Variants in KHDRBS2 observed in about 807,000 individuals in gnomAD.
The protein encoded by KHDRBS2 is KH RNA binding domain containing, signal transduction associated 2.
KHDRBS2 carries 26 observed loss-of-function variants against 44.3 expected under a neutral mutation model. The observed-to-expected ratio is 0.59, with a 90% CI of 0.43 to 0.81. The LOEUF (loss-of-function observed/expected upper bound fraction) is 0.81, where lower values mean the gene tolerates loss of function less well. Among genes scored for constraint, KHDRBS2 ranks in the 40% least tolerant of loss-of-function variants. KHDRBS2 has a pLI of 0.00. For missense variants in KHDRBS2, 476 were observed against 433.1 expected (o/e 1.10, Z -0.88); for synonymous variants, 194 against 151.1 (o/e 1.28, Z -2.08).
chr6:61,654,633 C>A, the KHDRBS2 span, among the ~76,000 whole-genome samples: 1 of 150,702 alleles, frequency 6.6e-6, no homozygotes, highest in Admixed American at 6.6e-5. Context: ...AGACAAGAAA[C>A]CAATAGAGAA....
chr6:62,124,081 T>C (rs1808371578), intron 2 of KHDRBS2, among the ~76,000 whole-genome samples: 2 of 152,178 alleles, frequency 1.3e-5, no homozygotes, highest in Admixed American at 6.5e-5. Flanking sequence ...GATGGACCCT[T>C]TTCTGCTCTC....
intron 3 of KHDRBS2, among the ~76,000 whole-genome samples, chr6:62,024,157 A>T (rs1584224778): frequency 6.6e-6 from 1 of 151,414 alleles, no homozygotes; most frequent in South Asian, 2.1e-4. Flanking sequence ...TTCTCCACTC[A>T]TTCATCATCT....
At chr6:61,579,412 T>A in the KHDRBS2 span, among the ~76,000 whole-genome samples, 1 of 152,218 alleles carries the variant, frequency 6.6e-6, no homozygotes, top group African/African-American at 2.4e-5. Flanking sequence ...TGCCACAGCC[T>A]GAAGCTGAAA....
the KHDRBS2 span, among the ~76,000 whole-genome samples, chr6:61,629,173 C>T: frequency 4.6e-5 from 7 of 152,148 alleles, no homozygotes; most frequent in South Asian, 2.1e-4. Flanking sequence ...TGTGATTTTT[C>T]GCTTACTTGC....
At chr6:61,590,097 T>C in the KHDRBS2 span, among the ~76,000 whole-genome samples, 2 of 152,184 alleles carry the variant, frequency 1.3e-5, 1 homozygote, top group Admixed American at 1.3e-4. Context: ...GCTCAATAGT[T>C]TAGCCTATTT....
chr6:62,246,986 A>G (rs1457426246), intron 1 of KHDRBS2, among the ~76,000 whole-genome samples: 3 of 152,096 alleles, frequency 2.0e-5, no homozygotes, highest in African/African-American at 7.2e-5. Flanking sequence ...TCAACAATTC[A>G]TTATCAAGAT....
rs148740825 is a variant in KHDRBS2, at chr6:61,754,988, A to C, written c.811-22224T>G. Among the ~76,000 whole-genome samples, 1,162 of 152,266 alleles carry C rather than the reference A, an allele frequency of 7.6e-3. 18 individuals are homozygous for C. The highest frequency in any genetic ancestry group is 0.026 in the African/African-American group (1,100 of 41,560). ...CCAAATTTATAATAGAATCTAGTAA[A>C]ACATAATATTTATTTGAGCTAAAAT... On this transcript the variant is annotated intron_variant, in intron 6 of 8. Coordinates refer to ENST00000281156, the MANE Select transcript of KHDRBS2 (RefSeq NM_152688.4).
rs199772252 is a variant in KHDRBS2, at chr6:62,169,447, T to G, written c.219+7738A>C. Reference sequence around the variant, plus strand: ...ATGTACTAGAAGCAAGAAGCTCATGTGTACTGCTCTCATGGAGAGGAAAGA... The same window carrying G: ...ATGTACTAGAAGCAAGAAGCTCATGGGTACTGCTCTCATGGAGAGGAAAGA... On this transcript the variant is annotated intron_variant, in intron 2 of 8. Transcript: ENST00000281156. Among the ~76,000 whole-genome samples the G allele has an allele frequency of 1.4e-4, 22 of 152,068 alleles. No homozygotes were observed. In the East Asian group the frequency reaches 4.3e-3, roughly 30 times the overall value.
intron 6 of KHDRBS2, among the ~76,000 whole-genome samples, chr6:61,743,830 C>T (rs1353094867): frequency 1.3e-4 from 18 of 137,624 alleles, no homozygotes; most frequent in African/African-American, 4.9e-4. Flanking sequence ...CTTCCTGTGT[C>T]CATGTGTTCT....
chr6:61,663,166 C>T, the KHDRBS2 span, among the ~76,000 whole-genome samples: 3 of 144,804 alleles, frequency 2.1e-5, no homozygotes, highest in Non-Finnish European at 4.5e-5. Flanking sequence ...AACCAAACGC[C>T]GCGTGTTCTC....
At chr6:61,816,688 A>G (rs1423765209) in intron 6 of KHDRBS2, 1 of 427,028 alleles carries the variant, frequency 2.3e-6, no homozygotes, top group Admixed American at 2.6e-5. Flanking sequence ...CAGTTTTGCA[A>G]AGACAGACTC....
chr6:62,115,744 A>G (rs1806066381), intron 2 of KHDRBS2, among the ~76,000 whole-genome samples: 1 of 152,166 alleles, frequency 6.6e-6, no homozygotes, highest in South Asian at 2.1e-4. Context: ...TTCTACACAT[A>G]TAGTGAATCT....
intron 1 of KHDRBS2, among the ~76,000 whole-genome samples, chr6:62,216,982 C>T (rs1284360325): frequency 6.7e-6 from 1 of 148,818 alleles, no homozygotes; most frequent in African/African-American, 2.5e-5. Flanking sequence ...TAGAAATTTC[C>T]TGGCCTGAGA....
At chr6:61,640,988 ATC>A in the KHDRBS2 span, among the ~76,000 whole-genome samples, 18 of 152,176 alleles carry the variant, frequency 1.2e-4, no homozygotes, top group African/African-American at 4.1e-4. Flanking sequence ...CTACTTGGTT[ATC>A]TGTTAGTATG....
intron 4 of KHDRBS2, among the ~76,000 whole-genome samples, chr6:61,914,227 A>G (rs976363025): frequency 2.0e-5 from 3 of 152,122 alleles, no homozygotes; most frequent in Non-Finnish European, 2.9e-5. Flanking sequence ...CTGATGGATT[A>G]GATATGGCAA....
chr6:61,982,602 T>C (rs1254090017), intron 3 of KHDRBS2, among the ~76,000 whole-genome samples: 2 of 144,774 alleles, frequency 1.4e-5, no homozygotes, highest in African/African-American at 2.6e-5. Context: ...ACCCGGAAGG[T>C]GGAGCTTCCA....
the KHDRBS2 span, among the ~76,000 whole-genome samples, chr6:61,623,771 C>A: frequency 1.3e-5 from 2 of 152,120 alleles, no homozygotes; most frequent in Non-Finnish European, 1.5e-5. Flanking sequence ...TCCCCTATGA[C>A]CGACTGAAGA....
chr6:61,705,890 T>C (rs771310941), intron 7 of KHDRBS2, among the ~76,000 whole-genome samples: 2 of 151,812 alleles, frequency 1.3e-5, no homozygotes, highest in South Asian at 2.1e-4. Context: ...ATAAATAACA[T>C]GGTATTGTTG....
At chr6:61,975,578 A>G (rs1046571169) in intron 4 of KHDRBS2, among the ~76,000 whole-genome samples, 2 of 151,812 alleles carry the variant, frequency 1.3e-5, no homozygotes, top group African/African-American at 4.8e-5. Flanking sequence ...ATTTACTAAT[A>G]AAACATTGAG....
Sources: gnomAD v4.1 joint callset for allele counts (sites outside exome capture counted in the v4.1 genomes callset) on GRCh38, gnomAD v4.1.1 for gene constraint, MANE v1.5 for transcripts, NCBI Gene and HGNC (gene_info 2026-07-23, HGNC 2026-07-21) for gene names.